The following PARK7 variants were observed in gnomAD, a reference collection of about 807,000 sequenced individuals.
PARK7 encodes Parkinsonism associated deglycase.
Under a neutral mutation model 20.5 loss-of-function variants are expected in PARK7, and 14 were observed. The observed-to-expected ratio is 0.68, with a 90% confidence interval of 0.45 to 1.07. The LOEUF (loss-of-function observed/expected upper bound fraction) is 1.07. PARK7 is among the 50% of genes least tolerant of loss of function. The pLI, the probability that PARK7 is intolerant of heterozygous loss-of-function variation, is 0.00. For synonymous variants in PARK7, 98 were observed against 84.3 expected, an observed-to-expected ratio of 1.16 and a Z score of -0.89; for missense variants, 234 against 238.1, an observed-to-expected ratio of 0.98 and a Z score of 0.11.
chr1:7,968,302 C>CAAAA (rs34105225), intron 3 of PARK7, among the ~76,000 whole-genome samples: 1 of 101,844 alleles, frequency 9.8e-6, no homozygotes, highest in African/African-American at 3.9e-5. Context: ...GACTCTGTCT[C>CAAAA]AAAAAAAAAA....
At chr1:7,978,229 C>G (rs2151436848) in intron 6 of PARK7, among the ~76,000 whole-genome samples, 2 of 151,790 alleles carry the variant, frequency 1.3e-5, no homozygotes, top group Middle Eastern at 6.8e-3. Flanking sequence ...AACTTCTGAC[C>G]TTGTGATCCA....
At chr1:7,962,730 T>G (rs2151427142) in intron 1 of PARK7, 33 bp from the exon 2 acceptor site, 1 of 1,462,568 alleles carries the variant, frequency 6.8e-7, no homozygotes, top group African/African-American at 1.4e-5. Flanking sequence ...CAATGAAAGT[T>G]TTTTGAAATC....
intron 5 of PARK7, among the ~76,000 whole-genome samples, chr1:7,977,010 G>A (rs1172471456): frequency 6.6e-6 from 1 of 152,192 alleles, no homozygotes; most frequent in African/African-American, 2.4e-5. Context: ...ATGAGCCACC[G>A]TGCCCGGCCT....
intron 5 of PARK7, among the ~76,000 whole-genome samples, chr1:7,974,403 G>A (rs1466780878): frequency 6.6e-6 from 1 of 152,088 alleles, no homozygotes; most frequent in African/African-American, 2.4e-5. Context: ...GCCGAGGCGT[G>A]CGGATCACAA....
At chr1:7,969,831 G>A (rs911878733) in intron 4 of PARK7, among the ~76,000 whole-genome samples, 3 of 152,092 alleles carry the variant, frequency 2.0e-5, no homozygotes, top group Non-Finnish European at 2.9e-5. Flanking sequence ...GCCCACCTCG[G>A]CCTCCCAAAG....
At chr1:7,962,718 T>TG in intron 1 of PARK7, 45 bp from the exon 2 acceptor site, 1 of 1,308,506 alleles carries the variant, frequency 7.6e-7, no homozygotes, top group South Asian at 1.3e-5. Context: ...ATCTCAGGGT[T>TG]GCAATGAAAG....
chr1:7,968,568 T>G (rs1640381108), intron 3 of PARK7, among the ~76,000 whole-genome samples: 1 of 151,936 alleles, frequency 6.6e-6, no homozygotes. Context: ...CAGGCTAGAG[T>G]GCGGTGGTGC....
At chr1:7,969,309 A>C (rs1424125108) in intron 3 of PARK7, 36 bp from the exon 4 acceptor site, 15 of 1,539,948 alleles carry the variant, frequency 9.7e-6, no homozygotes, top group Non-Finnish European at 1.3e-5. Flanking sequence ...TTGAAATGAA[A>C]TGTTTTTGTT....
chr1:7,977,737 AG>A lies in PARK7; in HGVS notation c.409+1del, dbSNP rs1236463064. 2 of 1,612,916 alleles carry A rather than the reference AG, an allele frequency of 1.2e-6. No homozygotes were observed. The highest frequency in any genetic ancestry group is 1.7e-6 in the Non-Finnish European group (2 of 1,179,032). On this transcript the variant is annotated frameshift_variant and splice_region_variant, in exon 6 of 7. Coordinates refer to ENST00000338639, the MANE Select transcript of PARK7 (RefSeq NM_007262.5). LOFTEE classifies it high-confidence loss of function. ...PLAKDKMMNG[G>X]HYTYSENRVE... ...TTGCTAAAGACAAAATGATGAATGGAGGTAAGTATATGCTTGTTTTTGTTTG... is the reference window on the plus strand; with the variant it reads ...TTGCTAAAGACAAAATGATGAATGGAGTAAGTATATGCTTGTTTTTGTTTG...
intron 6 of PARK7, among the ~76,000 whole-genome samples, chr1:7,982,461 T>C (rs923907458): frequency 7.9e-5 from 12 of 152,154 alleles, no homozygotes; most frequent in African/African-American, 2.9e-4. Context: ...GCTGATGGGG[T>C]GCATGTTCTG....
chr1:7,971,069 G>T (rs1340793325), intron 5 of PARK7, 106 bp downstream of exon 5: 1 of 1,216,710 alleles, frequency 8.2e-7, no homozygotes, highest in Admixed American at 1.8e-5. Context: ...AAGCATGCAG[G>T]GCATCTGTGT....
intron 5 of PARK7, among the ~76,000 whole-genome samples, chr1:7,974,694 T>C (rs1473990678): frequency 6.6e-6 from 1 of 151,828 alleles, no homozygotes; most frequent in Non-Finnish European, 1.5e-5. Flanking sequence ...GTTTATACCA[T>C]TGAATATCCT....
Position 7,969,333 on chromosome 1 carries a change from A to T in PARK7, c.193-12A>T. ...AATGTTTTTGTTTTCTTTATGTTTT[A>T]AACTGTTACAGGGACCATATGATGT... On this transcript the variant is annotated splice_polypyrimidine_tract_variant and intron_variant, in intron 3 of 6. Transcript: ENST00000338639. The T allele has an allele frequency of 6.2e-7, 1 of 1,606,364 alleles. No individual in the cohort carries two copies.
intron 5 of PARK7, among the ~76,000 whole-genome samples, chr1:7,975,306 G>T (rs1258684464): frequency 1.3e-5 from 2 of 152,216 alleles, no homozygotes; most frequent in Admixed American, 6.5e-5. Context: ...TTGAGTAGGG[G>T]AGGGGGAGGA....
At chr1:7,966,133 C>T (rs368791881) in intron 3 of PARK7, among the ~76,000 whole-genome samples, 2 of 151,974 alleles carry the variant, frequency 1.3e-5, no homozygotes, top group East Asian at 1.9e-4. Context: ...TTGCACACTC[C>T]GTCGTGCGGT....
chr1:7,965,805 T>A (rs1246427232), intron 3 of PARK7, among the ~76,000 whole-genome samples: 4 of 152,108 alleles, frequency 2.6e-5, no homozygotes, highest in Admixed American at 1.3e-4. Context: ...TTTTCCATTT[T>A]TTATTATTAT....
chr1:7,970,595 C>T (rs1036715534), intron 4 of PARK7, among the ~76,000 whole-genome samples: 2 of 152,170 alleles, frequency 1.3e-5, no homozygotes, highest in African/African-American at 4.8e-5. Context: ...CCCAAAACAC[C>T]ACATTCCCTC....
rs1640798665 is a variant in PARK7 at position 7,985,384 on chromosome 1, AAC to A, written c.*332_*333del. ...TGTCCATATGGCACTGAAATAAAAGAACAGTGACCACATTTTACACAGCAAGG... is the reference window on the plus strand; with the variant it reads ...TGTCCATATGGCACTGAAATAAAAGAAGTGACCACATTTTACACAGCAAGG... On this transcript the variant is annotated 3_prime_UTR_variant, in exon 7 of 7. Coordinates refer to ENST00000338639, the MANE Select transcript of PARK7 (RefSeq NM_007262.5). The A allele has an allele frequency of 2.9e-6, 1 of 349,020 alleles. No individual in the cohort carries two copies. The highest frequency in any genetic ancestry group is 5.5e-6 in the Non-Finnish European group (1 of 180,790). The allele number at this position is 349,020 out of a possible 1,614,324, so 21.6% of individuals were successfully genotyped here.
intron 6 of PARK7, among the ~76,000 whole-genome samples, chr1:7,983,228 G>T (rs948308960): frequency 6.6e-6 from 1 of 152,224 alleles, no homozygotes; most frequent in East Asian, 1.9e-4. Context: ...TGCCCTCAGG[G>T]TGTTCTCAGG....
Sources: allele counts gnomAD v4.1 joint callset (sites outside exome capture counted in the v4.1 genomes callset), GRCh38; gene constraint gnomAD v4.1.1; transcripts MANE v1.5; gene names NCBI Gene and HGNC (gene_info 2026-07-23, HGNC 2026-07-21).